The following ITGAV variants were observed in gnomAD, a reference collection of about 807,000 sequenced individuals.
The protein encoded by ITGAV is integrin alpha-V.
In ITGAV, 76 loss-of-function variants were observed where a neutral mutation model predicts 143.8. The ratio of observed to expected loss-of-function variants is 0.53; its 90% CI spans 0.44 to 0.64. ITGAV has a LOEUF of 0.64. Among genes scored for constraint, ITGAV ranks in the 30% least tolerant of loss-of-function variants. ITGAV has a pLI of 0.00. For synonymous variants in ITGAV, 453 were observed against 446.7 expected (o/e 1.01, Z -0.18); for missense variants, 1,193 against 1,274.7 (o/e 0.94, Z 0.98).
At chr2:186,661,471 G>A (rs939288067) in intron 18 of ITGAV, among the ~76,000 whole-genome samples, 4 of 151,804 alleles carry the variant, frequency 2.6e-5, no homozygotes, top group Non-Finnish European at 4.4e-5. Flanking sequence ...GGACAATGCA[G>A]TTCTAGTGTT....
chr2:186,642,101 T>A (rs1389580426), intron 12 of ITGAV, among the ~76,000 whole-genome samples: 1 of 152,234 alleles, frequency 6.6e-6, no homozygotes, highest in Non-Finnish European at 1.5e-5. Context: ...TGGTGGCATA[T>A]TAAAAGTATA....
At chr2:186,629,778 C>T (rs572213876) in intron 4 of ITGAV, among the ~76,000 whole-genome samples, 2 of 152,106 alleles carry the variant, frequency 1.3e-5, no homozygotes, top group African/African-American at 4.8e-5. Flanking sequence ...GTATTTGTAA[C>T]ATTGGCCACA....
chr2:186,661,035 G>C (rs1234779347), intron 18 of ITGAV, among the ~76,000 whole-genome samples: 1 of 152,104 alleles, frequency 6.6e-6, no homozygotes, highest in Non-Finnish European at 1.5e-5. Context: ...AAGATACTGG[G>C]GATTAAGGCT....
chr2:186,651,319 A>G lies in ITGAV; in HGVS notation c.1398-663A>G, dbSNP rs61762245. ...TGACTTGAGCCAGCTGTATTTTTGT[A>G]TAGGATTTAAACCTGTGTATCTGAA... is the stretch of plus-strand genomic sequence containing the variant. On this transcript the variant is annotated intron_variant, in intron 14 of 29. Coordinates refer to ENST00000261023, the MANE Select transcript of ITGAV (RefSeq NM_002210.5). Among the ~76,000 whole-genome samples, 1,508 of 152,316 alleles carry G rather than the reference A, an allele frequency of 9.9e-3. 22 individuals carry two copies. The highest frequency in any genetic ancestry group is 0.034 in the African/African-American group (1,433 of 41,572).
At position 186,676,918 on chromosome 2, in the gene ITGAV, G is replaced by A. The variant is rs200142528; in HGVS notation, c.3034G>A (p.Val1012Ile). 112 of 1,613,456 alleles carry A rather than the reference G, an allele frequency of 6.9e-5. No individual in the cohort carries two copies. The highest frequency in any genetic ancestry group is 9.3e-5 in the Non-Finnish European group (110 of 1,179,784). ...LAGLLLLAVLVFVMYRMGFFK... is the reference protein window; with the variant it reads ...LAGLLLLAVLIFVMYRMGFFK... ...AGGATTGTTGCTACTGGCTGTTTTG[G>A]TATTTGTAATGTACAGGGTAAGTAA... Residue 1012 changes from valine (V) to isoleucine (I), a missense_variant, in exon 29 of 30, where the codon GTA becomes ATA. Coordinates refer to ENST00000261023, the MANE Select transcript of ITGAV (RefSeq NM_002210.5).
intron 2 of ITGAV, among the ~76,000 whole-genome samples, chr2:186,607,495 T>TGACATGG (rs1687100590): frequency 6.6e-6 from 1 of 152,076 alleles, no homozygotes; most frequent in Middle Eastern, 3.2e-3. Context: ...CAGGGAGTAG[T>TGACATGG]GATAGTTGAA....
At chr2:186,638,145 A>G (rs1687998190) in intron 8 of ITGAV, 132 bp from the exon 9 acceptor site, 4 of 731,396 alleles carry the variant, frequency 5.5e-6, no homozygotes, top group Middle Eastern at 3.6e-4. Context: ...ACGGAGTACC[A>G]ATTTTTCTAA....
At chr2:186,613,594 T>A (rs1687276706) in intron 2 of ITGAV, among the ~76,000 whole-genome samples, 1 of 152,196 alleles carries the variant, frequency 6.6e-6, no homozygotes, top group South Asian at 2.1e-4. Flanking sequence ...AATGATTTAT[T>A]TTTCAAATAC....
chr2:186,670,010 A>T (rs113333150), intron 26 of ITGAV, 196 bp downstream of exon 26: 20 of 528,558 alleles, frequency 3.8e-5, no homozygotes, highest in Non-Finnish European at 6.3e-5. Context: ...CTATTTTTGT[A>T]GATGGCTAAT....
intron 26 of ITGAV, 80 bp from the exon 27 acceptor site, chr2:186,675,524 G>GA (rs1352695801): frequency 4.8e-5 from 49 of 1,023,190 alleles, no homozygotes; most frequent in South Asian, 8.2e-5. Flanking sequence ...CACACAAAAA[G>GA]AAAAAAAATG....
chr2:186,601,576 A>AT (rs983298505), intron 1 of ITGAV, among the ~76,000 whole-genome samples: 32 of 147,932 alleles, frequency 2.2e-4, no homozygotes, highest in East Asian at 1.4e-3. Flanking sequence ...TACTTAGAAT[A>AT]TTTTTTTTTT....
chr2:186,644,361 C>T (rs571531053), intron 12 of ITGAV, among the ~76,000 whole-genome samples: 30 of 150,098 alleles, frequency 2.0e-4, no homozygotes, highest in Admixed American at 1.5e-3. Context: ...GAGTCTCATT[C>T]TGTCGCCAGG....
At chr2:186,633,499 TAAA>T in intron 6 of ITGAV, 125 bp downstream of exon 6, 2 of 420,516 alleles carry the variant, frequency 4.8e-6, no homozygotes, top group Non-Finnish European at 4.4e-6. Flanking sequence ...TTAAAGTATA[TAAA>T]CACTCCATTT....
In ITGAV at chr2:186,679,494, GA is replaced by G. The variant is rs1689297198; in HGVS notation, c.*2203del. 9.3e-6 allele frequency: 1 copy of G among 107,954 alleles called. No individual in the cohort carries two copies. The highest frequency in any genetic ancestry group is 3.1e-5 in the African/African-American group (1 of 31,822). 6.7% of individuals were successfully genotyped at this position (107,954 alleles called of 1,614,324 possible). A position where few individuals can be genotyped will look rare whatever the true frequency, so the allele number is the denominator to read the frequency against. ...GCCTACTTTCTGAAGAAAATGGTGG[GA>G]TTTTTTTTTATCATGATTAAATATC... On this transcript the variant is annotated 3_prime_UTR_variant, in exon 30 of 30. Transcript: ENST00000261023.
intron 2 of ITGAV, among the ~76,000 whole-genome samples, chr2:186,604,478 A>C (rs1031500374): frequency 3.9e-5 from 6 of 152,202 alleles, no homozygotes; most frequent in Admixed American, 2.6e-4. Flanking sequence ...GTTATACACA[A>C]GTATTTGTAC....
intron 2 of ITGAV, among the ~76,000 whole-genome samples, chr2:186,608,489 T>C (rs1356036674): frequency 6.6e-6 from 1 of 152,238 alleles, no homozygotes; most frequent in African/African-American, 2.4e-5. Context: ...CTACAAATGC[T>C]TGGCATTAAG....
At position 186,678,654 on chromosome 2, in the gene ITGAV, G is replaced by A. The variant is rs201506699; in HGVS notation, c.*1362G>A. ...TTGTAGTTTTATATGGCTCTGTAGA[G>A]TGGTGAACCTTCTAGAGGAATATAT... is the stretch of plus-strand genomic sequence containing the variant. On this transcript the variant is annotated 3_prime_UTR_variant, in exon 30 of 30. Transcript: ENST00000261023. 1.1e-4 allele frequency: 51 copies of A among 450,452 alleles called. No individual in the cohort carries two copies. The highest frequency in any genetic ancestry group is 1.2e-4 in the Non-Finnish European group (28 of 224,452). The allele number at this position is 450,452 out of a possible 1,614,324, so 27.9% of individuals were successfully genotyped here. A position where few individuals can be genotyped will look rare whatever the true frequency, so the allele number is the denominator to read the frequency against.
At chr2:186,593,461 G>T (rs1270955882) in intron 1 of ITGAV, among the ~76,000 whole-genome samples, 3 of 150,656 alleles carry the variant, frequency 2.0e-5, no homozygotes, top group Non-Finnish European at 3.0e-5. Context: ...TTCGCATTCT[G>T]TTTTTTTTTC....
intron 4 of ITGAV, among the ~76,000 whole-genome samples, chr2:186,628,004 G>C (rs1001116554): frequency 1.3e-5 from 2 of 152,126 alleles, no homozygotes; most frequent in Non-Finnish European, 2.9e-5. Flanking sequence ...CAGAGAAGAA[G>C]ACTCAGGAGC....
Sources: allele counts gnomAD v4.1 joint callset (sites outside exome capture counted in the v4.1 genomes callset), GRCh38; gene constraint gnomAD v4.1.1; transcripts MANE v1.5; gene names NCBI Gene and HGNC (gene_info 2026-07-23, HGNC 2026-07-21).